The following BRSK2 variants were observed in gnomAD, a reference collection of about 807,000 sequenced individuals.
The protein encoded by BRSK2 is serine/threonine-protein kinase BRSK2.
Under a neutral mutation model 83.3 loss-of-function variants are expected in BRSK2, and 19 were observed. The observed-to-expected ratio is 0.23, with a 90% confidence interval of 0.16 to 0.33. The LOEUF is 0.33. BRSK2 is among the 10% of genes least tolerant of loss of function. The pLI, the probability that BRSK2 is intolerant of heterozygous loss-of-function variation, is 1.00. For missense variants in BRSK2, 798 were observed against 1,042.3 expected (o/e 0.77, Z 3.23); for synonymous variants, 519 against 435.4 (o/e 1.19, Z -2.39).
intron 1 of BRSK2, among the ~76,000 whole-genome samples, chr11:1,416,376 G>A (rs1848101589): frequency 6.6e-6 from 1 of 152,076 alleles, no homozygotes; most frequent in Admixed American, 6.5e-5. Flanking sequence ...TGTTTTGCAG[G>A]GTCAGTCTTC....
chr11:1,411,319 A>G, intron 1 of BRSK2: 1 of 1,352,980 alleles, frequency 7.4e-7, no homozygotes, highest in Non-Finnish European at 9.5e-7. Flanking sequence ...TGGGGTCCTG[A>G]AGCTGGGGCC....
rs1317780 is a variant in BRSK2 at position 1,423,098 on chromosome 11, C to G, written c.92-12942C>G. On this transcript the variant is annotated intron_variant, in intron 1 of 19. Transcript: ENST00000528841. The surrounding 1 kb of genome is among the most constrained non-coding windows in gnomAD (Gnocchi z 6.5). ...GGGTTAATGTCCAGGTACCTCCAGG[C>G]CCCATGCACCCAGGACCTCCCCAAG... Among the ~76,000 whole-genome samples the G allele has an allele frequency of 0.24, 36,468 of 152,086 alleles. 4,479 individuals are homozygous for G. Among genetic ancestry groups the G allele is most frequent in the East Asian group, 0.35 (1,808 of 5,140 alleles).
At chr11:1,437,925 C>T (rs1257344568) in intron 2 of BRSK2, among the ~76,000 whole-genome samples, 3 of 152,166 alleles carry the variant, frequency 2.0e-5, no homozygotes, top group African/African-American at 7.2e-5. Context: ...CTCAGCCCTA[C>T]AGGCTGGTGT....
Position 1,440,741 on chromosome 11 carries a change from C to T in BRSK2, c.273-47C>T, listed in dbSNP as rs376130959. 277 of 1,531,694 alleles carry T rather than the reference C, an allele frequency of 1.8e-4. 1 individual carries two copies. Among genetic ancestry groups the T allele is most frequent in the South Asian group, 1.4e-3 (116 of 82,918 alleles). The allele number at this position is 1,531,694 out of a possible 1,614,324, so 94.9% of individuals were successfully genotyped here. On this transcript the variant is annotated intron_variant, in intron 3 of 19. Coordinates refer to ENST00000528841, the MANE Select transcript of BRSK2 (RefSeq NM_001256627.2). Reference sequence around the variant, plus strand: ...TGGGAGGCCCTGGGATGAGGAGGGGCGGCGGGCAGCCACAGCTGGGCGCAC... The same window carrying T: ...TGGGAGGCCCTGGGATGAGGAGGGGTGGCGGGCAGCCACAGCTGGGCGCAC...
Position 1,460,861 on chromosome 11 carries a change from G to A in BRSK2, c.*138G>A. 1 of 1,565,450 alleles carries A rather than the reference G, an allele frequency of 6.4e-7. No individual in the cohort carries two copies. Among genetic ancestry groups the A allele is most frequent in the Non-Finnish European group, 8.6e-7 (1 of 1,157,554 alleles). On this transcript the variant is annotated 3_prime_UTR_variant, in exon 20 of 20. Transcript: ENST00000528841. ...TCAGAGCCTGGGAGGAAAGGAAAGG[G>A]GCGTTGGGGCCGGCCTGTGGGCTGC...
chr11:1,445,259 A>T, intron 9 of BRSK2, 35 bp from the exon 10 acceptor site: 1 of 1,579,782 alleles, frequency 6.3e-7, no homozygotes, highest in African/African-American at 1.3e-5. Flanking sequence ...GCCCGGCCGG[A>T]GCTGATGAGC....
intron 1 of BRSK2, among the ~76,000 whole-genome samples, chr11:1,429,124 CACTGGGTGTGT>C (rs1849620029): frequency 7.8e-6 from 1 of 127,952 alleles, no homozygotes; most frequent in Non-Finnish European, 1.6e-5. Context: ...TGGGTGTGTG[CACTGGGTGTGT>C]GTGCACGTGT....
chr11:1,405,226 G>A (rs1332056730), intron 1 of BRSK2, among the ~76,000 whole-genome samples: 1 of 152,098 alleles, frequency 6.6e-6, no homozygotes, highest in Admixed American at 6.5e-5. Context: ...CTAGCCCTCT[G>A]CCTGGGATCC....
At chr11:1,458,665 G>C (rs1186392771) in intron 18 of BRSK2, among the ~76,000 whole-genome samples, 1 of 152,192 alleles carries the variant, frequency 6.6e-6, no homozygotes, top group Admixed American at 6.5e-5. Flanking sequence ...TGAGGGCCTT[G>C]AGGGAGTAGC....
chr11:1,439,618 C>T (rs1020736092), intron 3 of BRSK2, among the ~76,000 whole-genome samples: 3 of 152,070 alleles, frequency 2.0e-5, no homozygotes, highest in African/African-American at 7.2e-5. Context: ...TGGCCGGGCT[C>T]GCGGCTTCTC....
intron 6 of BRSK2, 91 bp downstream of exon 6, chr11:1,443,230 G>A: frequency 6.6e-7 from 1 of 1,516,734 alleles, no homozygotes; most frequent in East Asian, 2.5e-5. Flanking sequence ...ACCCCCAGGT[G>A]CTGCTAGGCT....
At position 1,445,141 on chromosome 11, in the gene BRSK2, G is replaced by A. The variant is rs552975201; in HGVS notation, c.812+139G>A. The A allele has an allele frequency of 1.0e-5, 15 of 1,469,254 alleles. No individual in the cohort carries two copies. The South Asian group carries it at 1.7e-4, about 16-fold the overall frequency. The allele number at this position is 1,469,254 out of a possible 1,614,324, so 91.0% of individuals were successfully genotyped here. A position where few individuals can be genotyped will look rare whatever the true frequency, so the allele number is the denominator to read the frequency against. ...TGGCCCTCCGTGGCCTGCGCTGGGT[G>A]CGGGGTGCGGGCAGGACGCAGGAGG... On this transcript the variant is annotated intron_variant, in intron 9 of 19. Coordinates refer to ENST00000528841, the MANE Select transcript of BRSK2 (RefSeq NM_001256627.2).
In BRSK2 at chr11:1,456,410, G is replaced by C; in HGVS notation, c.1731G>C (p.Thr577=). 1 of 1,598,798 alleles carries C rather than the reference G, an allele frequency of 6.3e-7. No homozygotes were observed. Among genetic ancestry groups the C allele is most frequent in the Non-Finnish European group, 8.5e-7 (1 of 1,173,388 alleles). ...GCTTCCGGGCCGAGTACAAGGCCAC[G>C]GGGGGGCCAGCCGTGTTCCAGAAGC... ...QTSFRAEYKA[T]GGPAVFQKPV... is the part of the protein sequence containing the mutation. Residue 577 remains threonine, a synonymous_variant, in exon 17 of 20, where the codon ACG becomes ACC. Transcript: ENST00000528841.
rs1845668051 is a variant in BRSK2 at position 1,390,670 on chromosome 11, T to G, written c.91+295T>G. Among the ~76,000 whole-genome samples, 1 of 148,530 alleles carries G rather than the reference T, an allele frequency of 6.7e-6. No individual in the cohort carries two copies. The highest frequency in any genetic ancestry group is 6.7e-5 in the Admixed American group (1 of 14,956). The stretch of plus-strand genomic sequence containing the variant: ...GGCGCCCCTCGGGCCCCGCTGCAGG[T>G]GCGCGGCCCGGGCCGCATTGTGCGC... On this transcript the variant is annotated intron_variant, in intron 1 of 19. Transcript: ENST00000528841. The surrounding 1 kb of genome is among the most constrained non-coding windows in gnomAD (Gnocchi z 6.8).
intron 1 of BRSK2, among the ~76,000 whole-genome samples, chr11:1,398,253 G>T (rs1156765479): frequency 6.6e-6 from 1 of 152,180 alleles, no homozygotes; most frequent in Non-Finnish European, 1.5e-5. Flanking sequence ...AGCTAGCATC[G>T]GGCCTCGTGT....
intron 1 of BRSK2, among the ~76,000 whole-genome samples, chr11:1,427,417 C>T (rs974344163): frequency 1.3e-5 from 2 of 152,182 alleles, no homozygotes; most frequent in African/African-American, 4.8e-5. Flanking sequence ...CTGGCCGGCT[C>T]AGGAGCACCT....
chr11:1,435,572 G>T (rs990119165), intron 1 of BRSK2, among the ~76,000 whole-genome samples: 1 of 122,196 alleles, frequency 8.2e-6, no homozygotes, highest in Non-Finnish European at 1.8e-5. Flanking sequence ...GGTGCCGGTG[G>T]GGGTCTCGGC....
intron 1 of BRSK2, chr11:1,411,607 G>T: frequency 6.4e-7 from 1 of 1,570,252 alleles, no homozygotes; most frequent in Non-Finnish European, 8.6e-7. Flanking sequence ...GGCCAGACCT[G>T]GCTCTGCCTG....
chr11:1,396,302 T>C (rs1846108000), intron 1 of BRSK2, among the ~76,000 whole-genome samples: 1 of 151,494 alleles, frequency 6.6e-6, no homozygotes, highest in African/African-American at 2.4e-5. Flanking sequence ...CCCTCTTCCC[T>C]TACAGCCGCC....
Sources: allele counts gnomAD v4.1 joint callset (sites outside exome capture counted in the v4.1 genomes callset), GRCh38; gene constraint gnomAD v4.1.1; non-coding constraint Gnocchi (gnomAD v3.1); transcripts MANE v1.5; gene names NCBI Gene and HGNC (gene_info 2026-07-23, HGNC 2026-07-21).